Variants in GNAL observed in about 807,000 individuals in gnomAD.
GNAL encodes the protein guanine nucleotide-binding protein G(olf) subunit alpha.
Under a neutral mutation model 55.1 loss-of-function variants are expected in GNAL, and 18 were observed. The observed-to-expected ratio is 0.33, with a 90% CI of 0.23 to 0.48. The LOEUF is 0.48. Among genes scored for constraint, GNAL ranks in the 20% least tolerant of loss-of-function variants. The probability of loss-of-function intolerance (pLI) is 0.99; values close to 1 mark genes in which losing one functional copy is unlikely to be tolerated. For missense variants in GNAL, 412 were observed against 614.1 expected, an observed-to-expected ratio of 0.67 and a Z score of 3.48; for synonymous variants, 253 against 237.0, an observed-to-expected ratio of 1.07 and a Z score of -0.62.
Position 11,880,994 on chromosome 18 carries a change from C to T in GNAL, c.1236C>T (p.Ile412=), listed in dbSNP as rs761934736. 1.2e-6 allele frequency: 2 copies of T among 1,613,832 alleles called. No individual in the cohort carries two copies. Among genetic ancestry groups the T allele is most frequent in the Non-Finnish European group, 1.7e-6 (2 of 1,179,864 alleles). The change falls in exon 12 of 12, where the codon ATC becomes ATT. Residue 412 remains isoleucine (I), a synonymous_variant. Transcript: ENST00000334049. ...KFFIRDLFLR[I]STATGDGKHY... is the part of the protein sequence containing the mutation. ...GCACACGCTCTCTCTTGCAGAGGAT[C>T]AGCACGGCCACCGGTGACGGCAAAC...
At chr18:11,774,890 T>C (rs904054504) in intron 4 of GNAL, among the ~76,000 whole-genome samples, 4 of 152,210 alleles carry the variant, frequency 2.6e-5, no homozygotes, top group African/African-American at 9.7e-5. Context: ...CTAAGTCTTA[T>C]TGAGGAAATA....
chr18:11,732,894 C>T (rs760533644), intron 1 of GNAL, among the ~76,000 whole-genome samples: 10 of 152,136 alleles, frequency 6.6e-5, no homozygotes, highest in Non-Finnish European at 1.5e-4. Flanking sequence ...AGGGAAACAG[C>T]AAAAATAGAA....
intron 5 of GNAL, among the ~76,000 whole-genome samples, chr18:11,829,435 T>C (rs1044196304): frequency 1.3e-5 from 2 of 152,230 alleles, no homozygotes; most frequent in Admixed American, 1.3e-4. Flanking sequence ...TCAATAAATC[T>C]GTTAGACCAA....
chr18:11,693,014 A>G (rs9966615), intron 1 of GNAL, among the ~76,000 whole-genome samples: 27,606 of 151,818 alleles, frequency 0.18, 3,025 homozygotes, highest in African/African-American at 0.29. Flanking sequence ...AAATAATTCA[A>G]AAAGGGGAGA....
intron 4 of GNAL, among the ~76,000 whole-genome samples, chr18:11,788,914 A>AAAAAAAAAAAATATAT (rs60071996): frequency 1.8e-4 from 10 of 56,292 alleles, no homozygotes; most frequent in East Asian, 7.1e-4. Flanking sequence ...AAAAAAAAAA[A>AAAAAAAAAAAATATAT]ATATATATAT....
At chr18:11,880,501 G>C (rs1362770300) in intron 11 of GNAL, among the ~76,000 whole-genome samples, 1 of 152,094 alleles carries the variant, frequency 6.6e-6, no homozygotes, top group South Asian at 2.1e-4. Context: ...CTTGAACCTG[G>C]GAGGTGGAGG....
At chr18:11,732,738 G>A (rs745904212) in intron 1 of GNAL, among the ~76,000 whole-genome samples, 5 of 152,234 alleles carry the variant, frequency 3.3e-5, no homozygotes, top group Admixed American at 6.5e-5. Context: ...GGGATAGACG[G>A]AGTGTTCAAA....
At chr18:11,848,311 C>T (rs1436377966) in intron 5 of GNAL, among the ~76,000 whole-genome samples, 1 of 152,176 alleles carries the variant, frequency 6.6e-6, no homozygotes, top group African/African-American at 2.4e-5. Flanking sequence ...GAATTCTAGT[C>T]AGCCCTGGTC....
chr18:11,761,238 C>T (rs1568014885), intron 4 of GNAL, among the ~76,000 whole-genome samples: 1 of 152,230 alleles, frequency 6.6e-6, no homozygotes, highest in Non-Finnish European at 1.5e-5. Context: ...GCAGTCCCTT[C>T]TGTCCCATGC....
chr18:11,783,008 G>A (rs758216885), intron 4 of GNAL, among the ~76,000 whole-genome samples: 34 of 152,186 alleles, frequency 2.2e-4, no homozygotes, highest in Admixed American at 5.2e-4. Flanking sequence ...CTCTGACTAC[G>A]CAAAAGACAT....
At chr18:11,872,223 G>GT in intron 9 of GNAL, 45 bp from the exon 10 acceptor site, 3 of 1,330,710 alleles carry the variant, frequency 2.3e-6, no homozygotes, top group Non-Finnish European at 3.1e-6. Context: ...GCACTTTCAT[G>GT]TACTAGTGTA....
chr18:11,741,528 C>T (rs2032575053), intron 1 of GNAL, among the ~76,000 whole-genome samples: 1 of 152,240 alleles, frequency 6.6e-6, no homozygotes. Context: ...GTCCATCCCT[C>T]TCAACTAGAC....
rs150649990 is a variant in GNAL, at chr18:11,755,730, G to A, written c.624+1785G>A. Among the ~76,000 whole-genome samples the A allele has an allele frequency of 1.3e-4, 20 of 152,278 alleles. No homozygotes were observed. In the East Asian group the frequency reaches 3.7e-3, roughly 28 times the overall value. ...GCTGGAAGAAGGGGCTGGGCATCTG[G>A]CCCCATGTCTTTAACTGGATGGCTT... On this transcript the variant is annotated intron_variant, in intron 4 of 11. Coordinates refer to ENST00000334049, the MANE Select transcript of GNAL (RefSeq NM_182978.4).
chr18:11,861,454 G>A (rs1049962941), intron 5 of GNAL, among the ~76,000 whole-genome samples: 1 of 152,226 alleles, frequency 6.6e-6, no homozygotes, highest in Non-Finnish European at 1.5e-5. Context: ...ATTTACTGGG[G>A]CCAGGCCTGC....
At position 11,830,686 on chromosome 18, in the gene GNAL, GCAATA is replaced by G. The variant is rs1372350665; in HGVS notation, c.722+5672_722+5676del. Among the ~76,000 whole-genome samples, 4 of 152,254 alleles carry G rather than the reference GCAATA, an allele frequency of 2.6e-5. No individual in the cohort carries two copies. The South Asian group carries it at 6.2e-4, about 24-fold the overall frequency. On this transcript the variant is annotated intron_variant, in intron 5 of 11. Transcript: ENST00000334049. The stretch of plus-strand genomic sequence containing the variant: ...AAAAACTGGTAGATGGATGTTCATA[GCAATA>G]TTTGTCATCATAACTAAAAGGTGAA...
chr18:11,721,281 G>A (rs115881344), intron 1 of GNAL, among the ~76,000 whole-genome samples: 13 of 152,164 alleles, frequency 8.5e-5, no homozygotes, highest in Non-Finnish European at 1.9e-4. Context: ...ACTTGCTAGC[G>A]ATTAGTAAGA....
At chr18:11,769,923 A>G (rs1331849915) in intron 4 of GNAL, among the ~76,000 whole-genome samples, 3 of 152,230 alleles carry the variant, frequency 2.0e-5, no homozygotes, top group African/African-American at 7.2e-5. Context: ...TTTTAAAAAT[A>G]TTACCAAATA....
intron 11 of GNAL, among the ~76,000 whole-genome samples, chr18:11,878,325 C>T (rs1019516127): frequency 6.6e-6 from 1 of 152,086 alleles, no homozygotes; most frequent in African/African-American, 2.4e-5. Context: ...GTGGCACAGG[C>T]GTGTAGTCCC....
chr18:11,856,457 A>C (rs564605799), intron 5 of GNAL, among the ~76,000 whole-genome samples: 1 of 151,384 alleles, frequency 6.6e-6, no homozygotes, highest in South Asian at 2.1e-4. Context: ...GCAGACAGGC[A>C]GGTAAAGCAG....
Sources: allele counts gnomAD v4.1 joint callset (sites outside exome capture counted in the v4.1 genomes callset), GRCh38; gene constraint gnomAD v4.1.1; transcripts MANE v1.5; gene names NCBI Gene and HGNC (gene_info 2026-07-23, HGNC 2026-07-21).